The following USP25 variants were observed in gnomAD, a reference collection of about 807,000 sequenced individuals.
The protein encoded by USP25 is ubiquitin specific peptidase 25.
Under a neutral mutation model 158.5 loss-of-function variants are expected in USP25, and 85 were observed. That is an observed-to-expected ratio of 0.54 (90% CI 0.45 to 0.64). USP25 has a LOEUF of 0.64. Ranked by LOEUF, USP25 falls within the 30% of genes least tolerant of loss-of-function variation. The pLI is 0.00. For synonymous variants in USP25, 464 were observed against 460.4 expected, an observed-to-expected ratio of 1.01 and a Z score of -0.10; for missense variants, 1,242 against 1,327.3, an observed-to-expected ratio of 0.94 and a Z score of 1.00.
chr21:15,794,767 A>G (rs534671051), intron 5 of USP25, among the ~76,000 whole-genome samples: 5 of 151,618 alleles, frequency 3.3e-5, no homozygotes, highest in African/African-American at 1.2e-4. Flanking sequence ...TGACTAAAAT[A>G]CAGGCACCCT....
At chr21:15,764,947 C>T (rs2033947817) in intron 2 of USP25, among the ~76,000 whole-genome samples, 1 of 152,066 alleles carries the variant, frequency 6.6e-6, no homozygotes, top group Non-Finnish European at 1.5e-5. Context: ...TCATCCTGAT[C>T]CTACTTCTGT....
At chr21:15,758,205 G>T (rs902664825) in intron 1 of USP25, among the ~76,000 whole-genome samples, 4 of 152,138 alleles carry the variant, frequency 2.6e-5, no homozygotes, top group African/African-American at 9.7e-5. Context: ...TAAAGTTTGA[G>T]AACTACTTTC....
intron 18 of USP25, among the ~76,000 whole-genome samples, chr21:15,846,322 C>T (rs1426500379): frequency 6.6e-6 from 1 of 150,956 alleles, no homozygotes; most frequent in Non-Finnish European, 1.5e-5. Context: ...GCCACCATGC[C>T]TGGCTAATCT....
chr21:15,846,358 C>T (rs760143456), intron 18 of USP25, among the ~76,000 whole-genome samples: 5 of 150,782 alleles, frequency 3.3e-5, no homozygotes, highest in Admixed American at 1.3e-4. Context: ...GGACGGATTT[C>T]GCCATGTTGG....
intron 10 of USP25, among the ~76,000 whole-genome samples, chr21:15,822,870 A>C (rs1445960617): frequency 6.6e-6 from 1 of 152,050 alleles, no homozygotes; most frequent in Non-Finnish European, 1.5e-5. Flanking sequence ...CAAATTCCTT[A>C]AACTTTAGCT....
chr21:15,777,770 G>T, intron 3 of USP25, 134 bp from the exon 4 acceptor site: 1 of 740,622 alleles, frequency 1.4e-6, no homozygotes, highest in South Asian at 4.1e-5. Context: ...TTTATTTTTA[G>T]ATAGGCTTTT....
intron 1 of USP25, among the ~76,000 whole-genome samples, chr21:15,759,005 T>G (rs1354789145): frequency 6.6e-6 from 1 of 152,214 alleles, no homozygotes; most frequent in African/African-American, 2.4e-5. Context: ...TACAAATGAC[T>G]GATTTCCTTG....
At chr21:15,745,113 A>C (rs1484869571) in intron 1 of USP25, 2 of 152,290 alleles carry the variant, frequency 1.3e-5, no homozygotes, top group Non-Finnish European at 2.9e-5. Context: ...AAGCAGGGGC[A>C]TCTTTTATGG....
chr21:15,873,091 AT>A (rs1227360092), intron 23 of USP25, among the ~76,000 whole-genome samples: 3 of 151,688 alleles, frequency 2.0e-5, no homozygotes, highest in African/African-American at 7.3e-5. Flanking sequence ...TTTATTAAAT[AT>A]TTTTTTCTTC....
intron 2 of USP25, among the ~76,000 whole-genome samples, chr21:15,764,901 T>G (rs1203448611): frequency 6.6e-6 from 1 of 152,070 alleles, no homozygotes; most frequent in Non-Finnish European, 1.5e-5. Flanking sequence ...CTTGGGGACT[T>G]TATTCTGCCA....
At chr21:15,769,615 A>G (rs139862396) in intron 3 of USP25, among the ~76,000 whole-genome samples, 2 of 152,238 alleles carry the variant, frequency 1.3e-5, no homozygotes, top group Admixed American at 1.3e-4. Flanking sequence ...GGTATTGAGC[A>G]TTATAGGTGT....
intron 7 of USP25, 22 bp downstream of exon 7, chr21:15,805,280 G>A (rs1230206605): frequency 6.4e-7 from 1 of 1,560,168 alleles, no homozygotes; most frequent in Admixed American, 2.1e-5. Context: ...GCACTGACTT[G>A]TTCATTAACC....
chr21:15,792,643 A>G (rs1171552772), intron 5 of USP25, among the ~76,000 whole-genome samples: 1 of 151,504 alleles, frequency 6.6e-6, no homozygotes, highest in African/African-American at 2.4e-5. Context: ...TATTTGGTTC[A>G]TTTTCTACAA....
chr21:15,876,312 A>G (rs2040096406), intron 24 of USP25: 1 of 152,222 alleles, frequency 6.6e-6, no homozygotes, highest in African/African-American at 2.4e-5. Flanking sequence ...TGGTTGGAAG[A>G]TAAAATACCC....
At chr21:15,863,504 T>C (rs2039520710) in intron 20 of USP25, among the ~76,000 whole-genome samples, 1 of 152,198 alleles carries the variant, frequency 6.6e-6, no homozygotes, top group Admixed American at 6.5e-5. Context: ...ACAATTTTCT[T>C]TCAGATTTGA....
intron 3 of USP25, among the ~76,000 whole-genome samples, chr21:15,770,526 G>A (rs73892530): frequency 0.016 from 2,415 of 152,080 alleles, 52 homozygotes; most frequent in African/African-American, 0.055. Flanking sequence ...TAGAATTAAT[G>A]ACAAAACTCT....
intron 1 of USP25, 98 bp downstream of exon 1, chr21:15,730,536 T>C: frequency 1.6e-6 from 2 of 1,231,696 alleles, no homozygotes; most frequent in Non-Finnish European, 1.0e-6. Context: ...GCCGCCGCCT[T>C]CCCGGGCTTC....
In USP25 at chr21:15,878,172, A is replaced by G. The variant is rs910763785; in HGVS notation, c.3206-131A>G. 8.7e-6 allele frequency: 11 copies of G among 1,264,674 alleles called. No individual in the cohort carries two copies. The East Asian group carries it at 1.3e-4, about 15-fold the overall frequency. The allele number at this position is 1,264,674 out of a possible 1,614,324, so 78.3% of individuals were successfully genotyped here. ...CTAAGCTGTGTGCATTGCAGTTGCC[A>G]TTTATGTTTTTGTCTCCCCAAAATG... On this transcript the variant is annotated intron_variant, in intron 25 of 25. Transcript: ENST00000400183.
At chr21:15,792,060 T>C (rs545350114) in intron 5 of USP25, among the ~76,000 whole-genome samples, 1 of 151,910 alleles carries the variant, frequency 6.6e-6, no homozygotes, top group East Asian at 1.9e-4. Flanking sequence ...GACAGTGTTA[T>C]TTATAGAATT....
Sources: allele counts gnomAD v4.1 joint callset (sites outside exome capture counted in the v4.1 genomes callset), GRCh38; gene constraint gnomAD v4.1.1; transcripts MANE v1.5; gene names NCBI Gene and HGNC (gene_info 2026-07-23, HGNC 2026-07-21).